The following MFSD2B variants were observed in gnomAD, a reference collection of about 807,000 sequenced individuals.
The protein encoded by MFSD2B is sphingosine-1-phosphate transporter MFSD2B.
MFSD2B carries 56 observed loss-of-function variants against 58.4 expected under a neutral mutation model. The observed-to-expected ratio is 0.96, with a 90% CI of 0.77 to 1.20. The LOEUF (loss-of-function observed/expected upper bound fraction) is 1.20, where lower values mean the gene tolerates loss of function less well. Ranked by LOEUF, MFSD2B falls within the 50% of genes most tolerant of loss-of-function variation. MFSD2B has a pLI of 0.00. For missense variants in MFSD2B, 645 were observed against 667.6 expected, an observed-to-expected ratio of 0.97 and a Z score of 0.37; for synonymous variants, 287 against 294.4, an observed-to-expected ratio of 0.97 and a Z score of 0.26.
rs1662894393 is a variant in MFSD2B, at chr2:24,024,013, G to A, written c.1314-82G>A. On this transcript the variant is annotated intron_variant, in intron 12 of 13. Coordinates refer to ENST00000338315, the MANE Select transcript of MFSD2B (RefSeq NM_001346880.2). This position sits in a 1 kb window ranked among gnomAD's most constrained non-coding sequence, Gnocchi z 4.3. ...AGTCCACGTTTCAGGAGGGGGTGGG[G>A]TGGGGTGAGGTGTCGAGTCCCTCCA... 3 of 1,365,768 alleles carry A rather than the reference G, an allele frequency of 2.2e-6. No individual in the cohort carries two copies. The highest frequency in any genetic ancestry group is 1.9e-5 in the Admixed American group (1 of 52,440). 84.6% of individuals were successfully genotyped at this position (1,365,768 alleles called of 1,614,324 possible). A position where few individuals can be genotyped will look rare whatever the true frequency, so the allele number is the denominator to read the frequency against.
Position 24,021,343 on chromosome 2 carries a change from G to A in MFSD2B, c.682-305G>A, listed in dbSNP as rs907078246. On this transcript the variant is annotated intron_variant, in intron 6 of 13. Coordinates refer to ENST00000338315, the MANE Select transcript of MFSD2B (RefSeq NM_001346880.2). This position sits in a 1 kb window ranked among gnomAD's most constrained non-coding sequence, Gnocchi z 5.7. ...ATTGGAGCCTCAGGGCCTGGCATGC[G>A]GAAGGCAGCAGCAGTCAATGTTTGC... 6.6e-6 allele frequency among the ~76,000 whole-genome samples: 1 copy of A among 152,214 alleles called. No homozygotes were observed. Among genetic ancestry groups the A allele is most frequent in the Non-Finnish European group, 1.5e-5 (1 of 68,030 alleles).
rs1465231386 is a variant in MFSD2B, at chr2:24,017,345, G to A, written c.531G>A (p.Arg177=). The A allele has an allele frequency of 1.0e-5, 16 of 1,605,804 alleles. No individual in the cohort carries two copies. Among genetic ancestry groups the A allele is most frequent in the Non-Finnish European group, 1.3e-5 (15 of 1,176,858 alleles). Residue 177 remains arginine, a synonymous_variant, in exon 5 of 14, where the codon CGG becomes CGA. Coordinates refer to ENST00000338315, the MANE Select transcript of MFSD2B (RefSeq NM_001346880.2). This position sits in a 1 kb window ranked among gnomAD's most constrained non-coding sequence, Gnocchi z 4.8. The part of the protein sequence containing the change: ...TMLLTPCPRE[R]DSATAYRMTV... The stretch of plus-strand genomic sequence containing the variant: ...TGCTGACTCCCTGCCCAAGGGAGCG[G>A]GACTCGGCCACCGCCTACCGTGAGT...
In MFSD2B at chr2:24,023,741, T is replaced by C. The variant is rs775823316; in HGVS notation, c.1313+15T>C. 2.5e-6 allele frequency: 4 copies of C among 1,612,946 alleles called. No homozygotes were observed. Among genetic ancestry groups the C allele is most frequent in the East Asian group, 4.5e-5 (2 of 44,864 alleles). On this transcript the variant is annotated intron_variant, in intron 12 of 13. Coordinates refer to ENST00000338315, the MANE Select transcript of MFSD2B (RefSeq NM_001346880.2). The surrounding 1 kb of genome is among the most constrained non-coding windows in gnomAD (Gnocchi z 5.0). The stretch of plus-strand genomic sequence containing the variant: ...CTCAGTCTGGAGTGAGTCCCAGGGT[T>C]AGGATACAGCAGAGGCACCAAGGAC...
chr2:24,010,185 G>A lies in MFSD2B; in HGVS notation c.89G>A (p.Gly30Glu), dbSNP rs1176395856. 4.2e-6 allele frequency: 6 copies of A among 1,419,080 alleles called. No homozygotes were observed. Among genetic ancestry groups the A allele is most frequent in the African/African-American group, 1.5e-5 (1 of 66,604 alleles). 87.9% of individuals were successfully genotyped at this position (1,419,080 alleles called of 1,614,324 possible). A position where few individuals can be genotyped will look rare whatever the true frequency, so the allele number is the denominator to read the frequency against. ...CCCGGCCCGGGGAGCGCCAAGCGAG[G>A]GCGAGAGGTGAGCGGGGCGGCGGGG... is the stretch of plus-strand genomic sequence containing the variant. ...PEPGPGSAKR[G>E]REDSRAGRLS... Residue 30 changes from glycine (G) to glutamate (E), a missense_variant, in exon 1 of 14, where the codon GGG (glycine) becomes GAG (glutamate). By Grantham distance (98) the Gly-to-Glu change is moderately conservative. Transcript: ENST00000338315.
At chr2:24,013,616 T>A (rs1357585802) in intron 2 of MFSD2B, among the ~76,000 whole-genome samples, 2 of 152,022 alleles carry the variant, frequency 1.3e-5, no homozygotes, top group African/African-American at 2.4e-5. Context: ...ACAATGTAGA[T>A]CCCCGACAAT....
At chr2:24,016,053 C>CG in intron 2 of MFSD2B, 103 bp from the exon 3 acceptor site, 3 of 1,429,578 alleles carry the variant, frequency 2.1e-6, no homozygotes, top group Non-Finnish European at 2.9e-6. Flanking sequence ...CTCTGCCCTC[C>CG]GGTCCCGGTT....
chr2:24,010,318 G>A (rs1708912020), intron 1 of MFSD2B, 126 bp downstream of exon 1: 5 of 722,230 alleles, frequency 6.9e-6, no homozygotes, highest in Non-Finnish European at 7.9e-6. Context: ...CAGCTCAGGG[G>A]CTGCCCTCGC....
chr2:24,017,059 G>A lies in MFSD2B; in HGVS notation c.471+91G>A, dbSNP rs878941229. Reference sequence around the variant, plus strand: ...AGTGTGCTGTGGGGGCAGGGCTGCCGCCCTCCCCACCCGCCTGTGCCTGGA... The same window carrying A: ...AGTGTGCTGTGGGGGCAGGGCTGCCACCCTCCCCACCCGCCTGTGCCTGGA... On this transcript the variant is annotated intron_variant, in intron 4 of 13. Coordinates refer to ENST00000338315, the MANE Select transcript of MFSD2B (RefSeq NM_001346880.2). This position sits in a 1 kb window ranked among gnomAD's most constrained non-coding sequence, Gnocchi z 4.8. 2.2e-5 allele frequency: 33 copies of A among 1,479,208 alleles called. No individual in the cohort carries two copies. Among genetic ancestry groups the A allele is most frequent in the South Asian group, 1.4e-4 (11 of 76,286 alleles). The allele number at this position is 1,479,208 out of a possible 1,614,324, so 91.6% of individuals were successfully genotyped here.
At chr2:24,019,949 G>GC (rs1448642223) in intron 6 of MFSD2B, among the ~76,000 whole-genome samples, 8 of 152,266 alleles carry the variant, frequency 5.3e-5, no homozygotes, top group African/African-American at 1.9e-4. Flanking sequence ...TCACATCTGC[G>GC]CCCCCATTCA....
rs899764434 is a variant in MFSD2B at position 24,021,097 on chromosome 2, G to A, written c.682-551G>A. On this transcript the variant is annotated intron_variant, in intron 6 of 13. Coordinates refer to ENST00000338315, the MANE Select transcript of MFSD2B (RefSeq NM_001346880.2). This position sits in a 1 kb window ranked among gnomAD's most constrained non-coding sequence, Gnocchi z 5.7. The stretch of plus-strand genomic sequence containing the variant: ...ATTTTTAGTAGAGATGGGGTTTCAC[G>A]ATGTTGGCCAGGCTGGTCTGGAACT... Among the ~76,000 whole-genome samples the A allele has an allele frequency of 2.0e-5, 3 of 148,354 alleles. No homozygotes were observed. Among genetic ancestry groups the A allele is most frequent in the East Asian group, 2.0e-4 (1 of 4,932 alleles).
rs1573647543 is a variant in MFSD2B, at chr2:24,024,336, A to C, written c.1490+65A>C. ...GTGGGCTGCTGGGGGAATGACTAAC[A>C]CCAGCCTGCAGACATCCCTGCTGTG... On this transcript the variant is annotated intron_variant, in intron 13 of 13. Coordinates refer to ENST00000338315, the MANE Select transcript of MFSD2B (RefSeq NM_001346880.2). The surrounding 1 kb of genome is among the most constrained non-coding windows in gnomAD (Gnocchi z 4.3). The C allele has an allele frequency of 6.9e-6, 10 of 1,453,188 alleles. No individual in the cohort carries two copies. Among genetic ancestry groups the C allele is most frequent in the Non-Finnish European group, 2.8e-6 (3 of 1,073,166 alleles). The allele number at this position is 1,453,188 out of a possible 1,614,324, so 90.0% of individuals were successfully genotyped here. A position where few individuals can be genotyped will look rare whatever the true frequency, so the allele number is the denominator to read the frequency against.
At chr2:24,014,559 C>T (rs1349789933) in intron 2 of MFSD2B, among the ~76,000 whole-genome samples, 1 of 152,148 alleles carries the variant, frequency 6.6e-6, no homozygotes, top group African/African-American at 2.4e-5. Flanking sequence ...TGATCTATAC[C>T]AGTTGACTTA....
chr2:24,019,977 T>TCCAATG (rs1045390803), intron 6 of MFSD2B, among the ~76,000 whole-genome samples: 1 of 152,210 alleles, frequency 6.6e-6, no homozygotes, highest in Non-Finnish European at 1.5e-5. Flanking sequence ...CATGCCTCTC[T>TCCAATG]CCAATGCCAA....
rs1446072495 is a variant in MFSD2B, at chr2:24,022,918, A to C, written c.1059+16A>C. 1.2e-6 allele frequency: 2 copies of C among 1,602,990 alleles called. No homozygotes were observed. Among genetic ancestry groups the C allele is most frequent in the Non-Finnish European group, 8.5e-7 (1 of 1,174,982 alleles). On this transcript the variant is annotated intron_variant, in intron 10 of 13. Coordinates refer to ENST00000338315, the MANE Select transcript of MFSD2B (RefSeq NM_001346880.2). The surrounding 1 kb of genome is among the most constrained non-coding windows in gnomAD (Gnocchi z 4.5). ...TGGGATCTTTGTGAGTGAGGCGGGA[A>C]TCAAGGATTGGGGGTGGCCGGAGGG...
At position 24,023,264 on chromosome 2, in the gene MFSD2B, G is replaced by T; in HGVS notation, c.1169+25G>T. On this transcript the variant is annotated intron_variant, in intron 11 of 13. Transcript: ENST00000338315. The surrounding 1 kb of genome is among the most constrained non-coding windows in gnomAD (Gnocchi z 5.0). ...GGTAGGCTGGGTGTGGGGGCCTCAC[G>T]TGTGTCCACAGTGGGTGTCACCTCC... 1.3e-6 allele frequency: 2 copies of T among 1,567,232 alleles called. No homozygotes were observed. Among genetic ancestry groups the T allele is most frequent in the Non-Finnish European group, 1.8e-6 (2 of 1,138,520 alleles).
intron 2 of MFSD2B, among the ~76,000 whole-genome samples, chr2:24,014,841 C>A (rs1044479819): frequency 6.6e-6 from 1 of 151,956 alleles, no homozygotes; most frequent in Admixed American, 6.6e-5. Flanking sequence ...GGTATCCAGC[C>A]GAGCATGGTG....
chr2:24,013,838 CTT>C (rs758336674), intron 2 of MFSD2B, among the ~76,000 whole-genome samples: 8,815 of 110,054 alleles, frequency 0.08, 162 homozygotes, highest in Non-Finnish European at 0.12. Flanking sequence ...CAAGACGATT[CTT>C]TTTTTTTTTT....
intron 1 of MFSD2B, 59 bp downstream of exon 1, chr2:24,010,251 G>T (rs926555793): frequency 4.8e-6 from 6 of 1,239,944 alleles, no homozygotes; most frequent in Non-Finnish European, 6.2e-6. Flanking sequence ...CCAGGGCGTC[G>T]CCTCGCAGCC....
At position 24,023,447 on chromosome 2, in the gene MFSD2B, T is replaced by C; in HGVS notation, c.1170-136T>C. 1 of 1,101,740 alleles carries C rather than the reference T, an allele frequency of 9.1e-7. No homozygotes were observed. The highest frequency in any genetic ancestry group is 2.6e-5 in the East Asian group (1 of 38,748). The allele number at this position is 1,101,740 out of a possible 1,614,324, so 68.2% of individuals were successfully genotyped here. On this transcript the variant is annotated intron_variant, in intron 11 of 13. Transcript: ENST00000338315. The surrounding 1 kb of genome is among the most constrained non-coding windows in gnomAD (Gnocchi z 5.0). The stretch of plus-strand genomic sequence containing the variant: ...GCGGGGGGTACGAGCACACAGGCCA[T>C]CTGCTTCTCTGGTGGCCAGTCTGGT...
Sources: gnomAD v4.1 joint callset for allele counts (sites outside exome capture counted in the v4.1 genomes callset) on GRCh38, gnomAD v4.1.1 for gene constraint, Gnocchi (gnomAD v3.1) non-coding constraint, MANE v1.5 for transcripts, NCBI Gene and HGNC (gene_info 2026-07-23, HGNC 2026-07-21) for gene names.